The following MTMR10 variants were observed in gnomAD, a reference collection of about 807,000 sequenced individuals.
The protein encoded by MTMR10 is myotubularin related protein 10.
A neutral mutation model predicts 88.1 loss-of-function variants in MTMR10; 56 were observed. That is an observed-to-expected ratio of 0.64 (90% CI 0.51 to 0.79). The LOEUF is 0.79. Among genes scored for constraint, MTMR10 ranks in the 30% least tolerant of loss-of-function variants. The pLI is 0.00. For missense variants in MTMR10, 883 were observed against 924.7 expected, an observed-to-expected ratio of 0.95 and a Z score of 0.58; for synonymous variants, 380 against 340.9, an observed-to-expected ratio of 1.11 and a Z score of -1.26.
chr15:30,932,407 T>C, the MTMR10 span, among the ~76,000 whole-genome samples: 1 of 152,132 alleles, frequency 6.6e-6, no homozygotes, highest in East Asian at 1.9e-4. Context: ...TGTACTTTTC[T>C]TTTCTTATTA....
At chr15:30,919,226 C>G in the MTMR10 span, among the ~76,000 whole-genome samples, 1 of 151,358 alleles carries the variant, frequency 6.6e-6, no homozygotes, top group South Asian at 2.1e-4. Flanking sequence ...ACTAAAAATA[C>G]AAAATTAGCC....
intron 14 of MTMR10, chr15:30,943,329 G>A (rs1182977055): frequency 1.0e-6 from 1 of 985,074 alleles, no homozygotes; most frequent in African/African-American, 1.7e-5. Flanking sequence ...GTGCCCTTTG[G>A]GCAATAAGAA....
chr15:30,974,197 T>C (rs1487647201), intron 5 of MTMR10, 117 bp downstream of exon 5: 1 of 979,834 alleles, frequency 1.0e-6, no homozygotes, highest in Non-Finnish European at 1.4e-6. Context: ...TAAGAAGATG[T>C]CTGATAACTT....
chr15:30,957,646 C>T (rs904793909), intron 9 of MTMR10, among the ~76,000 whole-genome samples: 2 of 152,076 alleles, frequency 1.3e-5, no homozygotes, highest in African/African-American at 2.4e-5. Context: ...TCACTTGAAC[C>T]CGGGAGCCGA....
At chr15:30,968,472 A>G (rs1457477042) in intron 5 of MTMR10, among the ~76,000 whole-genome samples, 3 of 151,978 alleles carry the variant, frequency 2.0e-5, no homozygotes, top group Non-Finnish European at 4.4e-5. Context: ...ATTACAAAAA[A>G]TTAAAATTAG....
the MTMR10 span, among the ~76,000 whole-genome samples, chr15:30,924,158 A>G: frequency 7.2e-4 from 109 of 152,340 alleles, no homozygotes; most frequent in African/African-American, 2.5e-3. Flanking sequence ...CTTCACCCGC[A>G]TCGTGGCACA....
chr15:30,947,160 G>C lies in MTMR10; in HGVS notation c.1518C>G (p.Asn506Lys). 6.2e-7 allele frequency: 1 copy of C among 1,612,438 alleles called. No individual in the cohort carries two copies. The highest frequency in any genetic ancestry group is 8.5e-7 in the Non-Finnish European group (1 of 1,179,386). The change falls in exon 14 of 16, where the codon AAC (asparagine) becomes AAG (lysine). Residue 506 changes from asparagine (N) to lysine (K), a missense_variant. This residue lies in a region of MTMR10 where 126 missense variants were observed against 178.2 expected (regional missense o/e 0.71). Coordinates refer to ENST00000435680, the MANE Select transcript of MTMR10 (RefSeq NM_017762.3). Reference sequence around the variant, plus strand: ...TTTGCTTCACTCGCTGGTGAGGGGAGTTGAACAGGAAGGTGCCAAACAGTG... The same window carrying C: ...TTTGCTTCACTCGCTGGTGAGGGGACTTGAACAGGAAGGTGCCAAACAGTG... ...RISLFGTFLF[N>K]SPHQRVKQST...
intron 6 of MTMR10, 114 bp from the exon 7 acceptor site, chr15:30,961,187 A>C: frequency 7.5e-7 from 1 of 1,341,814 alleles, no homozygotes; most frequent in Non-Finnish European, 9.8e-7. Context: ...AACCTGCTTC[A>C]CCTTCCAAGT....
At position 30,941,995 on chromosome 15, in the gene MTMR10, T is replaced by G; in HGVS notation, c.1809A>C (p.Pro603=). 1 of 1,614,028 alleles carries G rather than the reference T, an allele frequency of 6.2e-7. No individual in the cohort carries two copies. Among genetic ancestry groups the G allele is most frequent in the South Asian group, 1.1e-5 (1 of 91,086 alleles). The part of the protein sequence containing the change: ...NGIISDQELL[P]RRNSLILKPK... ...GTTTTAATATCAATGAATTTCTCCT[T>G]GGAAGTAATTCTTGGTCACTGATGA... Residue 603 remains proline (P), a synonymous_variant, in exon 16 of 16, where the codon CCA becomes CCC. Coordinates refer to ENST00000435680, the MANE Select transcript of MTMR10 (RefSeq NM_017762.3).
chr15:30,929,685 T>TATATGAA, the MTMR10 span, among the ~76,000 whole-genome samples: 1 of 62,566 alleles, frequency 1.6e-5, no homozygotes, highest in Admixed American at 2.1e-4. Flanking sequence ...TATCATATAA[T>TATATGAA]ATATATAAAA....
chr15:30,932,720 T>TC, the MTMR10 span, among the ~76,000 whole-genome samples: 1 of 149,088 alleles, frequency 6.7e-6, no homozygotes, highest in African/African-American at 2.5e-5. Context: ...TCTTTTCTTT[T>TC]TTTTTTTTTT....
downstream of MTMR10, among the ~76,000 whole-genome samples, chr15:30,938,599 G>T (rs1321192417): frequency 6.6e-6 from 1 of 152,170 alleles, no homozygotes; most frequent in East Asian, 1.9e-4. Flanking sequence ...GGGTGTGGTA[G>T]AAAGGTGATT....
chr15:30,930,225 G>A, the MTMR10 span, among the ~76,000 whole-genome samples: 1 of 151,560 alleles, frequency 6.6e-6, no homozygotes, highest in Non-Finnish European at 1.5e-5. Flanking sequence ...TTCAACTGCT[G>A]CCCTCTATGA....
chr15:30,957,846 G>T (rs148194338), intron 9 of MTMR10, among the ~76,000 whole-genome samples: 6 of 152,332 alleles, frequency 3.9e-5, no homozygotes, highest in Non-Finnish European at 7.3e-5. Flanking sequence ...GGGGGCTGGA[G>T]CCCAGGGGTG....
rs192081807 is a variant in MTMR10, at chr15:30,939,080, C to T, written c.*2390G>A. On this transcript the variant is annotated 3_prime_UTR_variant, in exon 16 of 16. Transcript: ENST00000435680. Reference sequence around the variant, plus strand: ...TTAGGCACAAAGGTTTTAGTTTTCTCGGGAAATCAAGTTTTAACCACTTGA... The same window carrying T: ...TTAGGCACAAAGGTTTTAGTTTTCTTGGGAAATCAAGTTTTAACCACTTGA... 6 of 985,394 alleles carry T rather than the reference C, an allele frequency of 6.1e-6. No individual in the cohort carries two copies. Among genetic ancestry groups the T allele is most frequent in the East Asian group, 2.3e-4 (2 of 8,820 alleles). The allele number at this position is 985,394 out of a possible 1,614,324, so 61.0% of individuals were successfully genotyped here.
intron 13 of MTMR10, 75 bp downstream of exon 13, chr15:30,948,227 C>T: frequency 7.3e-7 from 1 of 1,378,218 alleles, no homozygotes; most frequent in Non-Finnish European, 9.8e-7. Flanking sequence ...TTAAAAGCCC[C>T]TTCATCTTTT....
At chr15:30,919,030 A>C in the MTMR10 span, among the ~76,000 whole-genome samples, 2 of 152,316 alleles carry the variant, frequency 1.3e-5, no homozygotes, top group Admixed American at 6.5e-5. Context: ...TGTTATATGC[A>C]TTATATGCTG....
At chr15:30,927,706 TGTG>T in the MTMR10 span, 2 of 985,452 alleles carry the variant, frequency 2.0e-6, no homozygotes, top group Non-Finnish European at 2.4e-6. Context: ...CCAGTGGTCT[TGTG>T]GGGAGAGGCA....
chr15:30,939,525 T>G lies in MTMR10; in HGVS notation c.*1945A>C. The G allele has an allele frequency of 1.0e-6, 1 of 979,200 alleles. No homozygotes were observed. The allele number at this position is 979,200 out of a possible 1,614,324, so 60.7% of individuals were successfully genotyped here. ...CACAATAATCATGATATAACAACTGTCCAGCAAAAATAAAAGTATTTTACA... is the reference window on the plus strand; with the variant it reads ...CACAATAATCATGATATAACAACTGGCCAGCAAAAATAAAAGTATTTTACA... On this transcript the variant is annotated 3_prime_UTR_variant, in exon 16 of 16. Transcript: ENST00000435680.
Sources: gnomAD v4.1 joint callset for allele counts (sites outside exome capture counted in the v4.1 genomes callset) on GRCh38, gnomAD v4.1.1 for gene constraint, gnomAD v4.1.1 regional missense constraint, MANE v1.5 for transcripts, NCBI Gene and HGNC (gene_info 2026-07-23, HGNC 2026-07-21) for gene names.